Variants in ILDR2 observed in about 807,000 individuals in gnomAD.
ILDR2 encodes immunoglobulin like domain containing receptor 2, also known as immunoglobulin-like domain-containing receptor 2.
Under a neutral mutation model 66.8 loss-of-function variants are expected in ILDR2, and 25 were observed. The observed-to-expected ratio is 0.37, with a 90% CI of 0.27 to 0.52. The LOEUF (loss-of-function observed/expected upper bound fraction) is 0.52, where lower values mean the gene tolerates loss of function less well. Ranked by LOEUF, ILDR2 falls within the 20% of genes least tolerant of loss-of-function variation. The pLI is 0.88. For synonymous variants in ILDR2, 367 were observed against 357.2 expected, an observed-to-expected ratio of 1.03 and a Z score of -0.31; for missense variants, 827 against 876.8, an observed-to-expected ratio of 0.94 and a Z score of 0.72.
intron 2 of ILDR2, among the ~76,000 whole-genome samples, chr1:166,898,259 C>A (rs1265832197): frequency 6.6e-6 from 1 of 152,124 alleles, no homozygotes; most frequent in Non-Finnish European, 1.5e-5. Context: ...AGGCTGGAGA[C>A]AAAGACTTAG....
chr1:166,965,481 T>C (rs1055575005), intron 1 of ILDR2, among the ~76,000 whole-genome samples: 3 of 152,146 alleles, frequency 2.0e-5, no homozygotes, highest in African/African-American at 7.2e-5. Flanking sequence ...TAAAGTTTCA[T>C]ATTTTGGAGC....
chr1:166,940,708 C>T (rs1022003716), intron 3 of ILDR2, among the ~76,000 whole-genome samples: 3 of 152,174 alleles, frequency 2.0e-5, no homozygotes, highest in Non-Finnish European at 4.4e-5. Context: ...GTGACTATCA[C>T]TAAAATATTG....
intron 3 of ILDR2, among the ~76,000 whole-genome samples, chr1:166,939,951 A>G (rs1320611502): frequency 6.6e-6 from 1 of 152,258 alleles, no homozygotes; most frequent in Non-Finnish European, 1.5e-5. Flanking sequence ...CTACATTTTC[A>G]TACATCCATA....
intron 9 of ILDR2, among the ~76,000 whole-genome samples, chr1:166,919,902 A>C (rs1463826098): frequency 6.6e-6 from 1 of 152,114 alleles, no homozygotes; most frequent in Non-Finnish European, 1.5e-5. Context: ...GTAATTGCGA[A>C]GGGGGAGAAG....
Position 166,935,340 on chromosome 1 carries a change from G to C in ILDR2, c.841C>G (p.Pro281Ala), listed in dbSNP as rs1252724161. 2 of 1,614,136 alleles carry C rather than the reference G, an allele frequency of 1.2e-6. No individual in the cohort carries two copies. The highest frequency in any genetic ancestry group is 2.7e-5 in the African/African-American group (2 of 75,046). The part of the protein sequence containing the change: ...GMLMDKPHPP[P>A]LAPSDSTGGS... ...CCAGTGGAGTCACTTGGTGCCAAGGGAGGTGGATGCGGCTTGTCCATCAGC... is the reference window on the plus strand; with the variant it reads ...CCAGTGGAGTCACTTGGTGCCAAGGCAGGTGGATGCGGCTTGTCCATCAGC... Residue 281 changes from proline to alanine, a missense_variant, in exon 6 of 10, where the codon CCC becomes GCC. Around this residue, in one of 2 missense-constraint regions of ILDR2, gnomAD observed 437 missense variants for 523.2 expected, o/e 0.84. Transcript: ENST00000271417.
rs779185494 is a variant in ILDR2 at position 166,922,645 on chromosome 1, C to T, written c.1159G>A (p.Gly387Arg). The T allele has an allele frequency of 1.4e-5, 22 of 1,614,028 alleles. No homozygotes were observed. The highest frequency in any genetic ancestry group is 1.7e-5 in the Admixed American group (1 of 60,004). The part of the protein sequence containing the change: ...VMGGSSGASR[G>R]PSAMEYNKED... ...TTGTTATACTCCATGGCTGAGGGCC[C>T]GCGGCTTGCCCCACTGCTGCCTCCC... The change falls in exon 8 of 10, where the codon GGG (glycine) becomes AGG (arginine). Residue 387 changes from glycine (G) to arginine (R), a missense_variant. Gly to Arg is a moderately radical substitution (Grantham distance 125). Coordinates refer to ENST00000271417, the MANE Select transcript of ILDR2 (RefSeq NM_199351.3).
chr1:166,919,064 T>C lies in ILDR2; in HGVS notation c.*291A>G, dbSNP rs546795150. 27 of 471,270 alleles carry C rather than the reference T, an allele frequency of 5.7e-5. No individual in the cohort carries two copies. Among genetic ancestry groups the C allele is most frequent in the Non-Finnish European group, 9.7e-5 (26 of 266,876 alleles). 29.2% of individuals were successfully genotyped at this position (471,270 alleles called of 1,614,324 possible). ...AATTGCAAATGGAGTCCTGGTTCTG[T>C]TAAGGGAGGAGGCTGGGCAGGATAA... On this transcript the variant is annotated 3_prime_UTR_variant, in exon 10 of 10. Coordinates refer to ENST00000271417, the MANE Select transcript of ILDR2 (RefSeq NM_199351.3).
chr1:166,974,942 T>TCAGCGC (rs1295930357), intron 1 of ILDR2, among the ~76,000 whole-genome samples: 2 of 152,032 alleles, frequency 1.3e-5, no homozygotes, highest in Admixed American at 1.3e-4. Flanking sequence ...AAGAACAACC[T>TCAGCGC]CAGCGCCAAT....
At chr1:166,928,334 G>A (rs1421574725) in intron 6 of ILDR2, among the ~76,000 whole-genome samples, 1 of 152,206 alleles carries the variant, frequency 6.6e-6, no homozygotes, top group African/African-American at 2.4e-5. Context: ...TCTGATGGAA[G>A]CTTAACCATA....
chr1:166,927,139 AG>A lies in ILDR2; in HGVS notation c.921del (p.Ser308ProfsTer2). The A allele has an allele frequency of 1.9e-6, 3 of 1,613,830 alleles. No homozygotes were observed. The highest frequency in any genetic ancestry group is 2.5e-6 in the Non-Finnish European group (3 of 1,179,876). On this transcript the variant is annotated frameshift_variant, in exon 7 of 10. Coordinates refer to ENST00000271417, the MANE Select transcript of ILDR2 (RefSeq NM_199351.3). LOFTEE classifies it high-confidence loss of function. ...TCAACATAGTACAGGACCTTCATGG[AG>A]TCTCTCTCTTTGTCAGCCTGGATCC... ...GYRIQADKER[D>X]SMKVLYYVEK...
At position 166,963,885 on chromosome 1, in the gene ILDR2, C is replaced by G. The variant is rs555743278; in HGVS notation, c.47-5784G>C. The stretch of plus-strand genomic sequence containing the variant: ...ACACGTAAACAAGCACACGCTGGTA[C>G]AACAGGAAGGCTGGGCCTCCAAGTC... On this transcript the variant is annotated intron_variant, in intron 1 of 9. Transcript: ENST00000271417. Among the ~76,000 whole-genome samples the G allele has an allele frequency of 2.0e-5, 3 of 152,232 alleles. No individual in the cohort carries two copies. The South Asian group carries it at 6.2e-4, about 32-fold the overall frequency.
rs186122406 is a variant in ILDR2 at position 166,925,522 on chromosome 1, G to C, written c.994+1545C>G. ...ATTCTAAAGTCCTACTAGCTAGAAG[G>C]CTGTGGTCTCTGAACAGAATGGAGC... On this transcript the variant is annotated intron_variant, in intron 7 of 9. Coordinates refer to ENST00000271417, the MANE Select transcript of ILDR2 (RefSeq NM_199351.3). Among the ~76,000 whole-genome samples the C allele has an allele frequency of 3.9e-5, 6 of 152,286 alleles. No homozygotes were observed. The East Asian group carries it at 9.6e-4, about 24-fold the overall frequency.
In ILDR2 at chr1:166,921,396, AG is replaced by A; in HGVS notation, c.1212-18del. On this transcript the variant is annotated intron_variant, in intron 8 of 9. Transcript: ENST00000271417. This position sits in a 1 kb window ranked among gnomAD's most constrained non-coding sequence, Gnocchi z 5.3. Reference sequence around the variant, plus strand: ...CGCGGCTGGCTGCGGGCAGAGAAGGAGGGGGTCAGACGGCCGGTCCCTCCCT... The same window carrying A: ...CGCGGCTGGCTGCGGGCAGAGAAGGAGGGGTCAGACGGCCGGTCCCTCCCT... 2 of 1,538,884 alleles carry A rather than the reference AG, an allele frequency of 1.3e-6. No individual in the cohort carries two copies. Among genetic ancestry groups the A allele is most frequent in the Non-Finnish European group, 8.8e-7 (1 of 1,141,132 alleles).
rs542699610 is a variant in ILDR2, at chr1:166,896,699, G to A, written n.172-598C>T. 4.2e-4 allele frequency among the ~76,000 whole-genome samples: 63 copies of A among 148,910 alleles called. No individual in the cohort carries two copies. The South Asian group carries it at 5.9e-3, about 14-fold the overall frequency. Reference sequence around the variant, plus strand: ...TGCCCAGGCTGGAGTGCAATGGCACGATTTTGGCTCACTGCAACCTCCGCC... The same window carrying A: ...TGCCCAGGCTGGAGTGCAATGGCACAATTTTGGCTCACTGCAACCTCCGCC... On this transcript the variant is annotated intron_variant and non_coding_transcript_variant, in intron 2 of 2. Coordinates refer to the ILDR2 transcript ENST00000414590.
Position 166,916,059 on chromosome 1 carries a change from AAGC to A in ILDR2, c.*3293_*3295del, listed in dbSNP as rs1659631579. On this transcript the variant is annotated 3_prime_UTR_variant, in exon 10 of 10. Coordinates refer to ENST00000271417, the MANE Select transcript of ILDR2 (RefSeq NM_199351.3). ...TAATGAATCCATGCATGGCCTAGAGAAGCAGCTCATCTACCAGGGGACACCTCC... is the reference window on the plus strand; with the variant it reads ...TAATGAATCCATGCATGGCCTAGAGAAGCTCATCTACCAGGGGACACCTCC... The A allele has an allele frequency of 1.3e-5, 2 of 152,218 alleles. No individual in the cohort carries two copies. Among genetic ancestry groups the A allele is most frequent in the African/African-American group, 4.8e-5 (2 of 41,370 alleles). 9.4% of individuals were successfully genotyped at this position (152,218 alleles called of 1,614,324 possible).
At chr1:166,960,190 C>A (rs1662528729) in intron 1 of ILDR2, among the ~76,000 whole-genome samples, 1 of 152,198 alleles carries the variant, frequency 6.6e-6, no homozygotes, top group Admixed American at 6.5e-5. Flanking sequence ...TTTCTGCATT[C>A]TGTAACATCT....
chr1:166,936,827 A>G lies in ILDR2; in HGVS notation c.557-90T>C. On this transcript the variant is annotated intron_variant, in intron 4 of 9. Transcript: ENST00000271417. This position sits in a 1 kb window ranked among gnomAD's most constrained non-coding sequence, Gnocchi z 5.0. Reference sequence around the variant, plus strand: ...ATTGGCATCTCCCGGTGAAAGGGGGAGAGGAGGAGGGACCTAGGGAAGAAA... The same window carrying G: ...ATTGGCATCTCCCGGTGAAAGGGGGGGAGGAGGAGGGACCTAGGGAAGAAA... 1 of 1,285,522 alleles carries G rather than the reference A, an allele frequency of 7.8e-7. No individual in the cohort carries two copies. Among genetic ancestry groups the G allele is most frequent in the Non-Finnish European group, 1.1e-6 (1 of 903,758 alleles). The allele number at this position is 1,285,522 out of a possible 1,614,324, so 79.6% of individuals were successfully genotyped here.
intron 3 of ILDR2, among the ~76,000 whole-genome samples, chr1:166,941,370 A>G (rs1557943446): frequency 6.6e-6 from 1 of 152,208 alleles, no homozygotes; most frequent in East Asian, 1.9e-4. Context: ...CCTTCATAAA[A>G]GACTAAGAGA....
At chr1:166,958,979 G>T (rs6678256) in intron 1 of ILDR2, among the ~76,000 whole-genome samples, 123,038 of 152,056 alleles carry the variant, frequency 0.81, 50,193 homozygotes, top group African/African-American at 0.88. Flanking sequence ...TCCTCTTACC[G>T]CCTCAGCCTC....
Sources: allele counts gnomAD v4.1 joint callset (sites outside exome capture counted in the v4.1 genomes callset), GRCh38; gene constraint gnomAD v4.1.1; regional missense constraint gnomAD v4.1.1; non-coding constraint Gnocchi (gnomAD v3.1); transcripts MANE v1.5; gene names NCBI Gene and HGNC (gene_info 2026-07-23, HGNC 2026-07-21).